DLEC1: variants seen among roughly 807,000 people sequenced by gnomAD.
The protein encoded by DLEC1 is deleted in lung and esophageal cancer protein 1.
In DLEC1, 146 loss-of-function variants were observed where a neutral mutation model predicts 198.1. That is an observed-to-expected ratio of 0.74 (90% CI 0.64 to 0.85). The LOEUF is 0.85. Ranked by LOEUF, DLEC1 falls within the 40% of genes least tolerant of loss-of-function variation. The probability of loss-of-function intolerance (pLI) is 0.00; values close to 1 mark genes in which losing one functional copy is unlikely to be tolerated. For missense variants in DLEC1, 2,233 were observed against 2,220.0 expected, an observed-to-expected ratio of 1.01 and a Z score of -0.12; for synonymous variants, 897 against 866.8, an observed-to-expected ratio of 1.03 and a Z score of -0.61.
chr3:38,114,954 T>G (rs759265797), intron 26 of DLEC1, 29 bp from the exon 27 acceptor site: 1 of 1,607,378 alleles, frequency 6.2e-7, no homozygotes, highest in African/African-American at 1.3e-5. Flanking sequence ...TGGCTGTGGC[T>G]GTACTGAGTC....
Position 38,123,266 on chromosome 3 carries a change from C to T in DLEC1, c.*854C>T. The stretch of plus-strand genomic sequence containing the variant: ...GGGCAAGCGGTACCCTGGCCTCCCA[C>T]TTGGGCACACACACGGTGACAGATG... On this transcript the variant is annotated 3_prime_UTR_variant, in exon 37 of 37. Transcript: ENST00000308059. 1.4e-6 allele frequency: 1 copy of T among 709,112 alleles called. No homozygotes were observed. Among genetic ancestry groups the T allele is most frequent in the Non-Finnish European group, 2.5e-6 (1 of 404,690 alleles). 43.9% of individuals were successfully genotyped at this position (709,112 alleles called of 1,614,324 possible).
intron 11 of DLEC1, among the ~76,000 whole-genome samples, chr3:38,093,262 A>G (rs1188689487): frequency 6.6e-6 from 1 of 152,030 alleles, no homozygotes; most frequent in Non-Finnish European, 1.5e-5. Flanking sequence ...CATCCTAGGA[A>G]TCGTGACAAG....
intron 33 of DLEC1, among the ~76,000 whole-genome samples, 165 bp from the exon 34 acceptor site, chr3:38,120,267 GGGTGCTGGGCAGAGTA>G (rs1036311189): frequency 4.6e-5 from 7 of 152,238 alleles, no homozygotes; most frequent in African/African-American, 1.4e-4. Context: ...GACACTAGCA[GGGTGCTGGGCAGAGTA>G]GGTGCTGGGC....
Position 38,117,522 on chromosome 3 carries a change from G to T in DLEC1, c.4401-5G>T, listed in dbSNP as rs758904129. The T allele has an allele frequency of 6.2e-7, 1 of 1,614,176 alleles. No homozygotes were observed. The highest frequency in any genetic ancestry group is 1.1e-5 in the South Asian group (1 of 91,088). ...CTTGCCCCAACAATGCCTATTGCTG[G>T]GCAGGCTAAGTGTGGAGCTGGACTA... On this transcript the variant is annotated splice_region_variant and splice_polypyrimidine_tract_variant and intron_variant, in intron 31 of 36. Coordinates refer to ENST00000308059, the MANE Select transcript of DLEC1 (RefSeq NM_007335.4).
chr3:38,113,923 A>T (rs1700014064), intron 25 of DLEC1, among the ~76,000 whole-genome samples: 1 of 152,064 alleles, frequency 6.6e-6, no homozygotes. Context: ...AAAAGTAATA[A>T]AGTTCTTTTC....
At chr3:38,045,720 T>G in intron 2 of DLEC1, 27 bp downstream of exon 2, 3 of 1,583,252 alleles carry the variant, frequency 1.9e-6, no homozygotes. Flanking sequence ...CCCACATGCC[T>G]GCCCAATTCC....
chr3:38,068,137 C>G (rs1399169148), intron 6 of DLEC1, among the ~76,000 whole-genome samples: 1 of 152,186 alleles, frequency 6.6e-6, no homozygotes, highest in South Asian at 2.1e-4. Flanking sequence ...GTAAGTTGCA[C>G]AGCACTACAT....
chr3:38,084,907 C>G (rs1449076409), intron 7 of DLEC1, among the ~76,000 whole-genome samples: 2 of 152,120 alleles, frequency 1.3e-5, no homozygotes, highest in African/African-American at 2.4e-5. Flanking sequence ...CCCCAGCCAG[C>G]CTTCCTACTT....
chr3:38,084,994 T>C (rs1575173330), intron 7 of DLEC1, among the ~76,000 whole-genome samples: 1 of 152,182 alleles, frequency 6.6e-6, no homozygotes, highest in Non-Finnish European at 1.5e-5. Flanking sequence ...TTCTCTGCTA[T>C]CCACCAAAGA....
rs141666314 is a variant in DLEC1 at position 38,086,543 on chromosome 3, G to A, written c.1572+166G>A. On this transcript the variant is annotated intron_variant, in intron 9 of 36. Transcript: ENST00000308059. ...ACCCGAATGAGAATGGATGTATAAGGGTCCAGTGTTGTAGTTCTGGTTATG... is the reference window on the plus strand; with the variant it reads ...ACCCGAATGAGAATGGATGTATAAGAGTCCAGTGTTGTAGTTCTGGTTATG... 4.6e-3 allele frequency among the ~76,000 whole-genome samples: 704 copies of A among 152,260 alleles called. 9 individuals carry two copies. The highest frequency in any genetic ancestry group is 0.016 in the African/African-American group (677 of 41,538).
Position 38,117,973 on chromosome 3 carries a change from G to C in DLEC1, c.4653G>C (p.Glu1551Asp), listed in dbSNP as rs1377665341. The C allele has an allele frequency of 6.2e-7, 1 of 1,613,566 alleles. No homozygotes were observed. The highest frequency in any genetic ancestry group is 2.2e-5 in the East Asian group (1 of 44,858). ...GCCAGAAGCAGGAGTGTGAGGAGGA[G>C]ACAGCCTCAGCGGACAAGCAGCTGG... ...GPGQKQECEE[E>D]TASADKQLVL... The change falls in exon 33 of 37, where the codon GAG becomes GAC. Residue 1551 changes from glutamate (E) to aspartate (D), a missense_variant. Transcript: ENST00000308059.
intron 2 of DLEC1, among the ~76,000 whole-genome samples, chr3:38,050,407 G>T (rs1701058302): frequency 6.6e-6 from 1 of 152,194 alleles, no homozygotes; most frequent in Non-Finnish European, 1.5e-5. Flanking sequence ...AATTTATAAA[G>T]AAAAGAGATT....
intron 2 of DLEC1, among the ~76,000 whole-genome samples, chr3:38,053,585 C>CCCTG (rs1701252393): frequency 6.8e-6 from 1 of 147,382 alleles, no homozygotes; most frequent in Non-Finnish European, 1.5e-5. Flanking sequence ...GGGGGGCAGC[C>CCCTG]CCCGCCCGGC....
chr3:38,107,871 C>T, intron 20 of DLEC1, 134 bp downstream of exon 20: 1 of 1,052,668 alleles, frequency 9.5e-7, no homozygotes, highest in Non-Finnish European at 1.3e-6. Context: ...CTGTCCCTTG[C>T]TCGTAGTGTG....
chr3:38,121,686 T>C lies in DLEC1; in HGVS notation c.4925T>C (p.Val1642Ala). Residue 1642 changes from valine (V) to alanine (A), a missense_variant, in exon 35 of 37, where the codon GTG becomes GCG. Physicochemically the swap from Val to Ala is moderately conservative, Grantham distance 64. Coordinates refer to ENST00000308059, the MANE Select transcript of DLEC1 (RefSeq NM_007335.4). ...VPELQLSTSW[V>A]DFGTCFVSQQ... ...GAGCTGCAGCTCTCCACCAGCTGGG[T>C]GGACTTTGGGACCTGCTTTGTGAGC... The C allele has an allele frequency of 6.2e-7, 1 of 1,613,982 alleles. No homozygotes were observed. Among genetic ancestry groups the C allele is most frequent in the Non-Finnish European group, 8.5e-7 (1 of 1,179,952 alleles).
chr3:38,104,454 A>G (rs758094321), intron 19 of DLEC1, among the ~76,000 whole-genome samples: 1 of 151,932 alleles, frequency 6.6e-6, no homozygotes, highest in African/African-American at 2.4e-5. Flanking sequence ...AAGACTCTGT[A>G]TGCCCCACCC....
intron 22 of DLEC1, 90 bp from the exon 23 acceptor site, chr3:38,110,009 G>A: frequency 7.0e-7 from 1 of 1,435,570 alleles, no homozygotes; most frequent in Non-Finnish European, 9.5e-7. Context: ...TGTCTGGGCA[G>A]CTTCTGCATG....
At chr3:38,110,834 G>C (rs941505812) in intron 23 of DLEC1, among the ~76,000 whole-genome samples, 1 of 151,716 alleles carries the variant, frequency 6.6e-6, no homozygotes, top group Non-Finnish European at 1.5e-5. Context: ...ATATACACAT[G>C]CATACACACA....
intron 10 of DLEC1, 77 bp from the exon 11 acceptor site, chr3:38,092,713 G>T: frequency 3.8e-6 from 5 of 1,308,554 alleles, no homozygotes; most frequent in Non-Finnish European, 4.4e-6. Flanking sequence ...GTGTGTGTCC[G>T]AGAGGAGGAG....
Sources: gnomAD v4.1 joint callset for allele counts (sites outside exome capture counted in the v4.1 genomes callset) on GRCh38, gnomAD v4.1.1 for gene constraint, MANE v1.5 for transcripts, NCBI Gene and HGNC (gene_info 2026-07-23, HGNC 2026-07-21) for gene names.